Variants in CTNNA1 observed in about 807,000 individuals in gnomAD.
CTNNA1 encodes the protein catenin alpha-1.
In CTNNA1, 37 loss-of-function variants were observed where a neutral mutation model predicts 98.4. The ratio of observed to expected loss-of-function variants is 0.38; its 90% CI spans 0.29 to 0.49. CTNNA1 has a LOEUF of 0.49. Among genes scored for constraint, CTNNA1 ranks in the 20% least tolerant of loss-of-function variants. The pLI, the probability that CTNNA1 is intolerant of heterozygous loss-of-function variation, is 0.95. For missense variants in CTNNA1, 761 were observed against 1,147.2 expected, an observed-to-expected ratio of 0.66 and a Z score of 4.86; for synonymous variants, 404 against 413.2, an observed-to-expected ratio of 0.98 and a Z score of 0.27.
At chr5:138,924,797 A>G (rs1432540647) in intron 12 of CTNNA1, 87 bp downstream of exon 12, 9 of 1,238,240 alleles carry the variant, frequency 7.3e-6, no homozygotes, top group Non-Finnish European at 8.0e-6. Flanking sequence ...TGTGGTGAGG[A>G]AGGAGGAGTT....
chr5:138,841,200 G>A (rs2149816869), intron 7 of CTNNA1, among the ~76,000 whole-genome samples: 1 of 152,204 alleles, frequency 6.6e-6, no homozygotes, highest in Admixed American at 6.5e-5. Flanking sequence ...TGAAGTCCTT[G>A]CCAGCAACTC....
intron 3 of CTNNA1, among the ~76,000 whole-genome samples, chr5:138,807,833 C>T (rs924024060): frequency 5.9e-5 from 9 of 152,028 alleles, no homozygotes; most frequent in South Asian, 2.1e-4. Context: ...CTGCAACCTC[C>T]GCCTCCCAGG....
At chr5:138,925,526 A>G in intron 13 of CTNNA1, 119 bp downstream of exon 13, 5 of 1,357,364 alleles carry the variant, frequency 3.7e-6, no homozygotes, top group Non-Finnish European at 4.0e-6. Context: ...CCATGAATCT[A>G]AAAGCTGTTA....
At chr5:138,913,822 G>A (rs543002045) in intron 10 of CTNNA1, among the ~76,000 whole-genome samples, 52 of 152,102 alleles carry the variant, frequency 3.4e-4, no homozygotes, top group Non-Finnish European at 6.5e-4. Flanking sequence ...TCAGTGTCAT[G>A]TTGGATGATT....
chr5:138,809,967 A>G (rs578191887), intron 3 of CTNNA1, 71 bp from the exon 4 acceptor site: 21 of 1,498,326 alleles, frequency 1.4e-5, no homozygotes, highest in East Asian at 2.3e-5. Context: ...GATTATTTTT[A>G]TATTTTTAAA....
intron 7 of CTNNA1, among the ~76,000 whole-genome samples, chr5:138,863,857 T>G (rs1211638589): frequency 6.6e-6 from 1 of 152,230 alleles, no homozygotes; most frequent in Non-Finnish European, 1.5e-5. Flanking sequence ...TTGATTGGGC[T>G]GGGCATGAAA....
intron 10 of CTNNA1, among the ~76,000 whole-genome samples, chr5:138,916,779 A>ATT (rs35034209): frequency 0.034 from 5,040 of 147,430 alleles, 267 homozygotes; most frequent in African/African-American, 0.11. Flanking sequence ...TATTTTATTT[A>ATT]TTTTTTTTTT....
intron 7 of CTNNA1, among the ~76,000 whole-genome samples, chr5:138,866,383 T>C (rs1431332417): frequency 1.3e-5 from 2 of 151,878 alleles, no homozygotes; most frequent in Non-Finnish European, 2.9e-5. Context: ...AACACAATTG[T>C]CAATAGATAT....
chr5:138,855,010 C>A (rs1763597336), intron 7 of CTNNA1, among the ~76,000 whole-genome samples: 1 of 152,210 alleles, frequency 6.6e-6, no homozygotes, highest in Admixed American at 6.5e-5. Flanking sequence ...AACACCAAAC[C>A]CATGATTGGC....
chr5:138,825,443 ACAGTGC>A (rs1760568423), intron 6 of CTNNA1, among the ~76,000 whole-genome samples: 2 of 136,120 alleles, frequency 1.5e-5, no homozygotes, highest in South Asian at 4.7e-4. Flanking sequence ...ATTCCTACCC[ACAGTGC>A]CTCTTGGCTT....
chr5:138,896,669 G>A (rs1490781476), intron 9 of CTNNA1, among the ~76,000 whole-genome samples: 1 of 152,146 alleles, frequency 6.6e-6, no homozygotes, highest in African/African-American at 2.4e-5. Flanking sequence ...GTTCTGGAGT[G>A]TAGCATAGCA....
At chr5:138,802,563 G>A (rs1757694217) in intron 3 of CTNNA1, among the ~76,000 whole-genome samples, 1 of 152,082 alleles carries the variant, frequency 6.6e-6, no homozygotes, top group Non-Finnish European at 1.5e-5. Flanking sequence ...ATTTTTAAAG[G>A]TTACGGGAGA....
Position 138,806,213 on chromosome 5 carries a change from A to G in CTNNA1, c.302-3825A>G, listed in dbSNP as rs550583635. 7.3e-4 allele frequency among the ~76,000 whole-genome samples: 111 copies of G among 152,218 alleles called. 1 individual carries two copies. Among genetic ancestry groups the G allele is most frequent in the African/African-American group, 2.5e-3 (105 of 41,532 alleles). ...GGATTCTCAAAGTTGATTGATCTCT[A>G]TGTTTACATTTGTTTTGGTTGACCA... On this transcript the variant is annotated intron_variant, in intron 3 of 17. Coordinates refer to ENST00000302763, the MANE Select transcript of CTNNA1 (RefSeq NM_001903.5).
At chr5:138,781,289 G>A (rs1755075606) in intron 1 of CTNNA1, among the ~76,000 whole-genome samples, 1 of 152,136 alleles carries the variant, frequency 6.6e-6, no homozygotes, top group Non-Finnish European at 1.5e-5. Flanking sequence ...GGTGGCTCAC[G>A]CCTATAATCC....
chr5:138,872,831 A>G (rs1750803303), intron 7 of CTNNA1: 1 of 503,004 alleles, frequency 2.0e-6, no homozygotes, highest in Non-Finnish European at 3.5e-6. Context: ...TTCATTTAAC[A>G]CTTAAAATAT....
At chr5:138,896,789 C>A (rs1561680669) in intron 9 of CTNNA1, among the ~76,000 whole-genome samples, 1 of 152,148 alleles carries the variant, frequency 6.6e-6, no homozygotes, top group Non-Finnish European at 1.5e-5. Context: ...TTCATGATTT[C>A]TTTATGTTGC....
intron 10 of CTNNA1, among the ~76,000 whole-genome samples, chr5:138,916,509 C>G (rs374060821): frequency 6.7e-6 from 1 of 149,722 alleles, no homozygotes; most frequent in Non-Finnish European, 1.5e-5. Flanking sequence ...ATTACGAGCT[C>G]GAGCCACCAC....
intron 6 of CTNNA1, among the ~76,000 whole-genome samples, chr5:138,825,277 G>GAACAGAATTTTGAACAGAATCA (rs1760539751): frequency 6.6e-6 from 1 of 151,988 alleles, no homozygotes; most frequent in Non-Finnish European, 1.5e-5. Context: ...TGACTAAATT[G>GAACAGAATTTTGAACAGAATCA]GAATAATGAA....
chr5:138,874,440 C>T lies in CTNNA1; in HGVS notation c.1063-11772C>T. On this transcript the variant is annotated intron_variant, in intron 7 of 17. Coordinates refer to ENST00000302763, the MANE Select transcript of CTNNA1 (RefSeq NM_001903.5). This position sits in a 1 kb window ranked among gnomAD's most constrained non-coding sequence, Gnocchi z 4.1. ...GAGTCGCAGTAGAAGAGCAGCTTCT[C>T]GCAGCGGCATTTGGGTGGACACGCC... 2 of 1,613,684 alleles carry T rather than the reference C, an allele frequency of 1.2e-6. No homozygotes were observed. Among genetic ancestry groups the T allele is most frequent in the South Asian group, 1.1e-5 (1 of 91,028 alleles).
Sources: allele counts gnomAD v4.1 joint callset (sites outside exome capture counted in the v4.1 genomes callset), GRCh38; gene constraint gnomAD v4.1.1; non-coding constraint Gnocchi (gnomAD v3.1); transcripts MANE v1.5; gene names NCBI Gene and HGNC (gene_info 2026-07-23, HGNC 2026-07-21).